The following ADAMTS20 variants were observed in gnomAD, a reference collection of about 807,000 sequenced individuals.
ADAMTS20 encodes ADAM metallopeptidase with thrombospondin type 1 motif 20.
ADAMTS20 carries 225 observed loss-of-function variants against 260.1 expected under a neutral mutation model. That is an observed-to-expected ratio of 0.87 (90% CI 0.78 to 0.97). The LOEUF (loss-of-function observed/expected upper bound fraction) is 0.97, where lower values mean the gene tolerates loss of function less well. Ranked by LOEUF, ADAMTS20 falls within the 50% of genes least tolerant of loss-of-function variation. The pLI is 0.00. For synonymous variants in ADAMTS20, 802 were observed against 769.5 expected (o/e 1.04, Z -0.70); for missense variants, 2,400 against 2,337.7 (o/e 1.03, Z -0.55).
At chr12:43,539,728 A>G (rs1238950398) in intron 2 of ADAMTS20, among the ~76,000 whole-genome samples, 1 of 152,168 alleles carries the variant, frequency 6.6e-6, no homozygotes, top group Non-Finnish European at 1.5e-5. Flanking sequence ...GCCTTTTTTA[A>G]AAAGCATGCT....
At chr12:43,512,994 A>G (rs187130242) in intron 3 of ADAMTS20, among the ~76,000 whole-genome samples, 3 of 152,324 alleles carry the variant, frequency 2.0e-5, no homozygotes, top group Non-Finnish European at 4.4e-5. Context: ...ACTCATGTTC[A>G]CAAAAATATG....
chr12:43,551,071 T>C lies in ADAMTS20; in HGVS notation c.291A>G (p.Ala97=). The change falls in exon 2 of 39, where the codon GCA becomes GCG. Residue 97 remains alanine (A), a synonymous_variant. Transcript: ENST00000389420. This position sits in a 1 kb window ranked among gnomAD's most constrained non-coding sequence, Gnocchi z 4.6. ...QLFQLNLTAD[A]SFLAAGYTEV... ...CGGTGTAGCCGGCGGCCAGAAAGGA[T>C]GCATCGGCGGTCAGGTTCAGCTGGA... The C allele has an allele frequency of 6.2e-7, 1 of 1,613,716 alleles. No individual in the cohort carries two copies. The highest frequency in any genetic ancestry group is 1.1e-5 in the South Asian group (1 of 91,052).
At chr12:43,423,199 GT>G (rs1409111499) in intron 28 of ADAMTS20, 1 of 152,252 alleles carries the variant, frequency 6.6e-6, no homozygotes, top group African/African-American at 2.4e-5. Flanking sequence ...GAGTTACAGA[GT>G]TTCTATTGCA....
chr12:43,409,070 A>G (rs1940973903), intron 28 of ADAMTS20, among the ~76,000 whole-genome samples: 1 of 152,142 alleles, frequency 6.6e-6, no homozygotes, highest in African/African-American at 2.4e-5. Context: ...TTATCAAGAG[A>G]AAATAAAGAG....
At chr12:43,506,943 A>C (rs1207857264) in intron 3 of ADAMTS20, among the ~76,000 whole-genome samples, 2 of 152,208 alleles carry the variant, frequency 1.3e-5, no homozygotes, top group African/African-American at 4.8e-5. Flanking sequence ...AGTGGTTGTC[A>C]GGAGCTGGGG....
intron 29 of ADAMTS20, among the ~76,000 whole-genome samples, chr12:43,394,796 C>A (rs1940665688): frequency 1.3e-5 from 2 of 152,068 alleles, no homozygotes; most frequent in African/African-American, 2.4e-5. Flanking sequence ...CTGTTCAAAT[C>A]CCTGCCCCCA....
chr12:43,514,929 T>C (rs779860684), intron 3 of ADAMTS20, among the ~76,000 whole-genome samples: 1 of 152,352 alleles, frequency 6.6e-6, no homozygotes, highest in East Asian at 1.9e-4. Flanking sequence ...AATTAGAACA[T>C]GGCATAACGC....
In ADAMTS20 at chr12:43,383,572, C is replaced by CTG. The variant is rs1337707068; in HGVS notation, c.4781_4782dup (p.Ala1595GlnfsTer39). ...CTTTACCTTACCTGTGATGAGTCTG[C>CTG]TGTTACCACAATGTAATTGCAAGGA... is the stretch of plus-strand genomic sequence containing the variant. On this transcript the variant is annotated frameshift_variant, in exon 31 of 39. Transcript: ENST00000389420. LOFTEE classifies it high-confidence loss of function. 2 of 1,611,928 alleles carry CTG rather than the reference C, an allele frequency of 1.2e-6. No homozygotes were observed. Among genetic ancestry groups the CTG allele is most frequent in the Non-Finnish European group, 1.7e-6 (2 of 1,178,874 alleles).
intron 3 of ADAMTS20, among the ~76,000 whole-genome samples, chr12:43,516,802 A>C (rs1004026042): frequency 6.6e-6 from 1 of 152,108 alleles, no homozygotes; most frequent in Non-Finnish European, 1.5e-5. Context: ...AAAAAAAAGA[A>C]AATTACAAAC....
chr12:43,452,747 C>T, intron 12 of ADAMTS20, 52 bp from the exon 13 acceptor site: 1 of 1,433,634 alleles, frequency 7.0e-7, no homozygotes, highest in Admixed American at 2.3e-5. Flanking sequence ...TTATTTGTGC[C>T]ACTTACTTCT....
chr12:43,547,423 G>A (rs1247433752), intron 2 of ADAMTS20, among the ~76,000 whole-genome samples: 1 of 152,140 alleles, frequency 6.6e-6, no homozygotes, highest in Non-Finnish European at 1.5e-5. Context: ...TTCTCCACTG[G>A]GGGGTTAAAA....
chr12:43,463,029 G>T (rs1319575348), intron 10 of ADAMTS20, 30 bp from the exon 11 acceptor site: 1 of 1,511,682 alleles, frequency 6.6e-7, no homozygotes, highest in Admixed American at 1.9e-5. Flanking sequence ...AGGCAAGCCA[G>T]TGTAAAGATA....
intron 3 of ADAMTS20, among the ~76,000 whole-genome samples, chr12:43,530,878 T>C (rs1943211539): frequency 6.6e-6 from 1 of 151,966 alleles, no homozygotes; most frequent in Non-Finnish European, 1.5e-5. Context: ...CTAAATTTTA[T>C]AGAAAAAAAT....
intron 28 of ADAMTS20, among the ~76,000 whole-genome samples, chr12:43,402,637 T>C (rs1940832165): frequency 6.6e-6 from 1 of 152,040 alleles, no homozygotes; most frequent in Non-Finnish European, 1.5e-5. Context: ...CATTCTAAGT[T>C]GTAAGGATTC....
chr12:43,399,331 C>T lies in ADAMTS20; in HGVS notation c.4285-98G>A, dbSNP rs1048485785. On this transcript the variant is annotated intron_variant, in intron 28 of 38. Transcript: ENST00000389420. ...AAATGTAACAATCCACACATAATTCCTTTGATATTTTTATGAAGATATGCT... is the reference window on the plus strand; with the variant it reads ...AAATGTAACAATCCACACATAATTCTTTTGATATTTTTATGAAGATATGCT... The T allele has an allele frequency of 2.6e-5, 28 of 1,070,422 alleles. No homozygotes were observed. In the African/African-American group the frequency reaches 4.5e-4, roughly 17 times the overall value. 66.3% of individuals were successfully genotyped at this position (1,070,422 alleles called of 1,614,324 possible).
intron 3 of ADAMTS20, among the ~76,000 whole-genome samples, chr12:43,518,645 T>C (rs1943030273): frequency 6.6e-6 from 1 of 151,974 alleles, no homozygotes; most frequent in Non-Finnish European, 1.5e-5. Flanking sequence ...ACCCCTCTAC[T>C]GATGTTCCAG....
At chr12:43,381,780 C>CAAA (rs765135656) in intron 31 of ADAMTS20, among the ~76,000 whole-genome samples, 2,946 of 34,076 alleles carry the variant, frequency 0.086, 174 homozygotes, top group Middle Eastern at 0.15. Context: ...GACTGCATCT[C>CAAA]AAAAAAAAAA....
At chr12:43,540,028 G>A (rs1943355227) in intron 2 of ADAMTS20, among the ~76,000 whole-genome samples, 1 of 151,968 alleles carries the variant, frequency 6.6e-6, no homozygotes, top group South Asian at 2.1e-4. Context: ...GACTACAGGC[G>A]CTTGCCACCA....
In ADAMTS20 at chr12:43,446,566, C is replaced by T. The variant is rs145326046; in HGVS notation, c.2197+29G>A. ...ACTCCATTATTATACTAAATAAAAG[C>T]GAAATCTAGAAACAAATACACAACT... On this transcript the variant is annotated intron_variant, in intron 15 of 38. Transcript: ENST00000389420. 1.2e-4 allele frequency: 188 copies of T among 1,567,310 alleles called. 1 individual carries two copies. In the African/African-American group the frequency reaches 1.9e-3, roughly 16 times the overall value.
Sources: gnomAD v4.1 joint callset for allele counts (sites outside exome capture counted in the v4.1 genomes callset) on GRCh38, gnomAD v4.1.1 for gene constraint, Gnocchi (gnomAD v3.1) non-coding constraint, MANE v1.5 for transcripts, NCBI Gene and HGNC (gene_info 2026-07-23, HGNC 2026-07-21) for gene names.